Variants in MGRN1 observed in about 807,000 individuals in gnomAD.
The protein encoded by MGRN1 is E3 ubiquitin-protein ligase MGRN1.
MGRN1 carries 29 observed loss-of-function variants against 69.2 expected under a neutral mutation model. That is an observed-to-expected ratio of 0.42 (90% confidence interval 0.31 to 0.57). The LOEUF (loss-of-function observed/expected upper bound fraction) is 0.57. Ranked by LOEUF, MGRN1 falls within the 20% of genes least tolerant of loss-of-function variation. MGRN1 has a pLI of 0.15. For synonymous variants in MGRN1, 470 were observed against 344.2 expected (o/e 1.37, Z -4.04); for missense variants, 998 against 796.2 (o/e 1.25, Z -3.05).
intron 16 of MGRN1, chr16:4,687,082 T>G: frequency 1.0e-6 from 1 of 985,456 alleles, no homozygotes; most frequent in Non-Finnish European, 1.2e-6. Context: ...TGGCACACAG[T>G]CCCTCGTGGG....
intron 13 of MGRN1, among the ~76,000 whole-genome samples, chr16:4,682,527 T>G (rs1216833815): frequency 1.3e-5 from 2 of 152,106 alleles, no homozygotes; most frequent in Non-Finnish European, 2.9e-5. Flanking sequence ...TCCTGCTGCT[T>G]CTCCTCCCCA....
At chr16:4,669,492 T>G (rs189302248) in intron 8 of MGRN1, among the ~76,000 whole-genome samples, 1 of 150,078 alleles carries the variant, frequency 6.7e-6, no homozygotes, top group Admixed American at 6.6e-5. Context: ...CTCTAAGCTC[T>G]GGGACGACGG....
Position 4,681,833 on chromosome 16 carries a change from C to T in MGRN1, c.1358+57C>T, listed in dbSNP as rs531172842. Reference sequence around the variant, plus strand: ...GGTGTGTGGTGGCGCGCGTGCGGAGCGGGTGTCTTTGTGGTTTCAAATCAG... The same window carrying T: ...GGTGTGTGGTGGCGCGCGTGCGGAGTGGGTGTCTTTGTGGTTTCAAATCAG... On this transcript the variant is annotated intron_variant, in intron 13 of 16. Transcript: ENST00000262370. 53 of 1,512,782 alleles carry T rather than the reference C, an allele frequency of 3.5e-5. No homozygotes were observed. In the Admixed American group the frequency reaches 7.2e-4, roughly 20 times the overall value. 93.7% of individuals were successfully genotyped at this position (1,512,782 alleles called of 1,614,324 possible).
chr16:4,672,591 G>T (rs192404165), intron 9 of MGRN1: 1 of 394,332 alleles, frequency 2.5e-6, no homozygotes, highest in South Asian at 1.9e-5. Flanking sequence ...GTTTTCAGCC[G>T]CCCGGGCATA....
intron 4 of MGRN1, among the ~76,000 whole-genome samples, chr16:4,656,860 A>T (rs1225323876): frequency 6.6e-6 from 1 of 151,896 alleles, no homozygotes; most frequent in Non-Finnish European, 1.5e-5. Flanking sequence ...AGCCCAGGCG[A>T]CAGAGCGAGA....
Position 4,682,723 on chromosome 16 carries a change from G to T in MGRN1, c.1359-100G>T, listed in dbSNP as rs1308118326. On this transcript the variant is annotated intron_variant, in intron 13 of 16. Coordinates refer to ENST00000262370, the MANE Select transcript of MGRN1 (RefSeq NM_015246.4). Reference sequence around the variant, plus strand: ...AGTGTCCTTGCGTGGGTCCTGGCAGGCGTGTGCAGGGGCCCCCAGGTGCCC... The same window carrying T: ...AGTGTCCTTGCGTGGGTCCTGGCAGTCGTGTGCAGGGGCCCCCAGGTGCCC... 4 of 1,338,790 alleles carry T rather than the reference G, an allele frequency of 3.0e-6. No homozygotes were observed. In the African/African-American group the frequency reaches 4.5e-5, roughly 15 times the overall value. The allele number at this position is 1,338,790 out of a possible 1,614,324, so 82.9% of individuals were successfully genotyped here.
intron 4 of MGRN1, among the ~76,000 whole-genome samples, chr16:4,655,833 G>T (rs2141894153): frequency 6.6e-6 from 1 of 152,364 alleles, no homozygotes; most frequent in East Asian, 1.9e-4. Context: ...TCCTGACAAG[G>T]AAACTGAGGC....
chr16:4,683,323 G>T, intron 15 of MGRN1, 54 bp downstream of exon 15: 1 of 1,598,092 alleles, frequency 6.3e-7, no homozygotes. Context: ...GGCAGCCCTG[G>T]CTTACTGGGG....
At chr16:4,673,219 C>T (rs1288445144) in intron 9 of MGRN1, among the ~76,000 whole-genome samples, 1 of 152,148 alleles carries the variant, frequency 6.6e-6, no homozygotes, top group African/African-American at 2.4e-5. Context: ...ATCTGTTCCT[C>T]ATTTTTTCTT....
chr16:4,632,666 T>G (rs1898070160), intron 1 of MGRN1, among the ~76,000 whole-genome samples: 1 of 152,088 alleles, frequency 6.6e-6, no homozygotes, highest in African/African-American at 2.4e-5. Flanking sequence ...AATGCGGGGA[T>G]TACAGGCATG....
At chr16:4,668,508 T>C (rs114739310) in intron 8 of MGRN1, among the ~76,000 whole-genome samples, 196 bp downstream of exon 8, 5,042 of 151,578 alleles carry the variant, frequency 0.033, 133 homozygotes, top group African/African-American at 0.067. Context: ...CATTCACACA[T>C]ATATAGACAC....
intron 5 of MGRN1, among the ~76,000 whole-genome samples, chr16:4,659,906 C>G (rs1329219274): frequency 1.3e-5 from 2 of 152,230 alleles, no homozygotes; most frequent in Non-Finnish European, 2.9e-5. Context: ...TGGCCCTGCT[C>G]CAGCGCGTGG....
chr16:4,638,390 G>A (rs562747068), intron 1 of MGRN1, among the ~76,000 whole-genome samples: 10 of 152,056 alleles, frequency 6.6e-5, no homozygotes, highest in South Asian at 2.1e-4. Context: ...ACCTGAACCC[G>A]GGAGGCAGAG....
At chr16:4,665,756 G>T (rs1002159402) in intron 7 of MGRN1, among the ~76,000 whole-genome samples, 1 of 147,090 alleles carries the variant, frequency 6.8e-6, no homozygotes, top group African/African-American at 2.5e-5. Flanking sequence ...TGCAACCTCT[G>T]CCTCCCAGGT....
intron 5 of MGRN1, among the ~76,000 whole-genome samples, 162 bp downstream of exon 5, chr16:4,657,525 C>T (rs1013362768): frequency 2.0e-5 from 3 of 152,146 alleles, no homozygotes; most frequent in African/African-American, 4.8e-5. Context: ...TGTGGATGGG[C>T]GGGAGCAAGG....
intron 10 of MGRN1, among the ~76,000 whole-genome samples, chr16:4,675,859 G>A (rs922059836): frequency 6.6e-6 from 1 of 152,356 alleles, no homozygotes; most frequent in Middle Eastern, 3.4e-3. Context: ...CGCTCGTAGG[G>A]CCCCGTTCTG....
chr16:4,667,754 G>A (rs1453018375), intron 7 of MGRN1, among the ~76,000 whole-genome samples: 1 of 152,270 alleles, frequency 6.6e-6, no homozygotes, highest in African/African-American at 2.4e-5. Flanking sequence ...ATACCGCCGG[G>A]TGTGCTTGTT....
chr16:4,686,172 C>A lies in MGRN1; in HGVS notation c.1618+2240C>A, dbSNP rs541222393. 3.8e-4 allele frequency: 568 copies of A among 1,480,632 alleles called. 3 individuals are homozygous for A. The African/African-American group carries it at 7.2e-3, about 19-fold the overall frequency. 91.7% of individuals were successfully genotyped at this position (1,480,632 alleles called of 1,614,324 possible). ...GTTTCTAGACGGCCTCGACCGTGTCCCCAAGCTGGTGCCCTTGCTGTGGCT... is the reference window on the plus strand; with the variant it reads ...GTTTCTAGACGGCCTCGACCGTGTCACCAAGCTGGTGCCCTTGCTGTGGCT... On this transcript the variant is annotated intron_variant, in intron 16 of 16. Coordinates refer to ENST00000262370, the MANE Select transcript of MGRN1 (RefSeq NM_015246.4).
chr16:4,661,097 C>A (rs1397202046), intron 5 of MGRN1, among the ~76,000 whole-genome samples: 5 of 152,010 alleles, frequency 3.3e-5, no homozygotes, highest in African/African-American at 9.7e-5. Flanking sequence ...CCTCTCACCT[C>A]AACTTTCACA....
Sources: gnomAD v4.1 joint callset for allele counts (sites outside exome capture counted in the v4.1 genomes callset) on GRCh38, gnomAD v4.1.1 for gene constraint, MANE v1.5 for transcripts, NCBI Gene and HGNC (gene_info 2026-07-23, HGNC 2026-07-21) for gene names.